CDH18: variants seen among roughly 807,000 people sequenced by gnomAD.
The protein encoded by CDH18 is cadherin 18, also known as cadherin-18.
Under a neutral mutation model 67.9 loss-of-function variants are expected in CDH18, and 31 were observed. That is an observed-to-expected ratio of 0.46 (90% CI 0.34 to 0.62). The LOEUF (loss-of-function observed/expected upper bound fraction) is 0.62. Ranked by LOEUF, CDH18 falls within the 20% of genes least tolerant of loss-of-function variation. CDH18 has a pLI of 0.01. For missense variants in CDH18, 890 were observed against 975.5 expected (o/e 0.91, Z 1.17); for synonymous variants, 362 against 347.2 (o/e 1.04, Z -0.48).
chr5:19,580,335 T>G (rs1743038501), intron 7 of CDH18, among the ~76,000 whole-genome samples: 1 of 151,920 alleles, frequency 6.6e-6, no homozygotes, highest in Non-Finnish European at 1.5e-5. Context: ...TCATAACAAT[T>G]AAGGCAAACC....
chr5:20,161,820 C>T (rs186256373), intron 2 of CDH18, among the ~76,000 whole-genome samples: 100 of 152,250 alleles, frequency 6.6e-4, no homozygotes, highest in Non-Finnish European at 1.0e-3. Flanking sequence ...TTGCTTTGGT[C>T]AGGTGCCTAG....
At chr5:19,502,297 C>T (rs1019103240) in intron 11 of CDH18, among the ~76,000 whole-genome samples, 1 of 152,072 alleles carries the variant, frequency 6.6e-6, no homozygotes, top group Non-Finnish European at 1.5e-5. Context: ...AAAGTTGATC[C>T]TAATCAGAAA....
At chr5:20,499,760 A>G (rs770378182) in intron 1 of CDH18, among the ~76,000 whole-genome samples, 2 of 152,284 alleles carry the variant, frequency 1.3e-5, no homozygotes, top group African/African-American at 2.4e-5. Flanking sequence ...TGAATGGGTA[A>G]ATAGTTATCT....
At chr5:20,389,890 C>A (rs914851355) in intron 1 of CDH18, among the ~76,000 whole-genome samples, 1 of 152,002 alleles carries the variant, frequency 6.6e-6, no homozygotes, top group Non-Finnish European at 1.5e-5. Context: ...AATGGGGAAA[C>A]AATTCCCTAT....
At position 20,538,912 on chromosome 5, in the gene CDH18, T is replaced by G. The variant is rs1005317923; in HGVS notation, c.-580+36550A>C. ...CATAGCCAACTGTTTTTTTTTTGTT[T>G]TTTTTTTTTTTTGTCGCCCAGGCTG... On this transcript the variant is annotated intron_variant, in intron 1 of 14. Transcript: ENST00000507958. Among the ~76,000 whole-genome samples, 143 of 141,872 alleles carry G rather than the reference T, an allele frequency of 1.0e-3. 1 individual carries two copies. The highest frequency in any genetic ancestry group is 3.5e-3 in the African/African-American group (138 of 39,430). 93.1% of individuals were successfully genotyped at this position (141,872 alleles called of 152,430 possible).
rs141972841 is a variant in CDH18 at position 20,146,231 on chromosome 5, C to G, written c.-518+109213G>C. ...GTAGCCTGTCTTCCCAACCCAGTTG[C>G]TCTCCATCTACTTTCCTACTTGGAA... On this transcript the variant is annotated intron_variant, in intron 2 of 14. Transcript: ENST00000507958. Among the ~76,000 whole-genome samples, 115 of 152,188 alleles carry G rather than the reference C, an allele frequency of 7.6e-4. 3 individuals are homozygous for G. The East Asian group carries it at 0.019, about 25-fold the overall frequency.
chr5:19,780,678 A>G (rs2149780662), intron 3 of CDH18, among the ~76,000 whole-genome samples: 1 of 152,212 alleles, frequency 6.6e-6, no homozygotes, highest in Middle Eastern at 3.4e-3. Context: ...TGAGAGCAAA[A>G]TGATTTTCCA....
chr5:20,411,350 A>C (rs1407684022), intron 1 of CDH18, among the ~76,000 whole-genome samples: 1 of 152,082 alleles, frequency 6.6e-6, no homozygotes, highest in African/African-American at 2.4e-5. Context: ...CAATAGGGAA[A>C]AGAGTATCTT....
chr5:20,226,831 C>T (rs999084811), intron 2 of CDH18, among the ~76,000 whole-genome samples: 4 of 151,884 alleles, frequency 2.6e-5, no homozygotes, highest in Non-Finnish European at 1.5e-5. Flanking sequence ...GCAGAGGAGA[C>T]AAGGCACTTC....
chr5:19,839,352 A>G (rs1782020141), intron 2 of CDH18, 110 bp from the exon 3 acceptor site: 1 of 223,928 alleles, frequency 4.5e-6, no homozygotes, highest in Non-Finnish European at 9.0e-6. Context: ...CAAAGAACAT[A>G]TGCAAAATCT....
intron 1 of CDH18, among the ~76,000 whole-genome samples, chr5:20,329,254 G>A (rs537372595): frequency 1.4e-4 from 21 of 152,248 alleles, no homozygotes; most frequent in East Asian, 7.7e-4. Flanking sequence ...ACGAAGGCAC[G>A]CAGATAACAC....
chr5:19,713,821 T>C (rs1765016807), intron 5 of CDH18, among the ~76,000 whole-genome samples: 1 of 152,124 alleles, frequency 6.6e-6, no homozygotes, highest in African/African-American at 2.4e-5. Context: ...TGCAGTTTGA[T>C]ATTGCACTGA....
At chr5:19,893,663 T>C (rs1002111858) in intron 2 of CDH18, among the ~76,000 whole-genome samples, 11 of 152,030 alleles carry the variant, frequency 7.2e-5, no homozygotes, top group Non-Finnish European at 1.3e-4. Context: ...GGCACAACTG[T>C]AGGGGAACTT....
chr5:19,995,366 C>G (rs897946899), intron 2 of CDH18, among the ~76,000 whole-genome samples: 1 of 151,882 alleles, frequency 6.6e-6, no homozygotes, highest in Non-Finnish European at 1.5e-5. Flanking sequence ...ATTTGCATAT[C>G]TGTTTCTTAA....
intron 2 of CDH18, among the ~76,000 whole-genome samples, chr5:20,061,161 C>T (rs1012769480): frequency 7.9e-5 from 12 of 152,046 alleles, no homozygotes; most frequent in African/African-American, 2.9e-4. Flanking sequence ...AAAGATTTAC[C>T]TATATATCTC....
intron 1 of CDH18, among the ~76,000 whole-genome samples, chr5:20,376,496 T>C (rs1044220262): frequency 2.0e-5 from 3 of 151,870 alleles, no homozygotes; most frequent in African/African-American, 7.3e-5. Flanking sequence ...GTTGGGGTTT[T>C]GATTCTGCCA....
At chr5:19,688,686 T>C (rs564759845) in intron 5 of CDH18, among the ~76,000 whole-genome samples, 2 of 152,060 alleles carry the variant, frequency 1.3e-5, no homozygotes, top group African/African-American at 2.4e-5. Flanking sequence ...CAGCAACAGA[T>C]TTCAATAAAA....
chr5:19,575,294 C>A lies in CDH18; in HGVS notation c.1000-3462G>T, dbSNP rs141859468. ...TTATTTGACAATGCTAATTAGCATG[C>A]ATTCATATTCCAACATTCACCATGG... On this transcript the variant is annotated intron_variant, in intron 7 of 12. Transcript: ENST00000382275. 2.0e-3 allele frequency among the ~76,000 whole-genome samples: 303 copies of A among 152,272 alleles called. 1 individual carries two copies. The Middle Eastern group carries it at 0.024, about 12-fold the overall frequency.
At chr5:20,039,479 G>C (rs1190745590) in intron 2 of CDH18, among the ~76,000 whole-genome samples, 1 of 152,044 alleles carries the variant, frequency 6.6e-6, no homozygotes, top group Non-Finnish European at 1.5e-5. Context: ...AAACAGCATG[G>C]TACTGATACT....
Sources: allele counts gnomAD v4.1 joint callset (sites outside exome capture counted in the v4.1 genomes callset), GRCh38; gene constraint gnomAD v4.1.1; transcripts MANE v1.5; gene names NCBI Gene and HGNC (gene_info 2026-07-23, HGNC 2026-07-21).